CALN1: variants seen among roughly 807,000 people sequenced by gnomAD.
The protein encoded by CALN1 is calcium-binding protein 8.
In CALN1, 17 loss-of-function variants were observed where a neutral mutation model predicts 30.6. That is an observed-to-expected ratio of 0.56 (90% CI 0.38 to 0.83). The LOEUF is 0.83. Among genes scored for constraint, CALN1 ranks in the 40% least tolerant of loss-of-function variants. CALN1 has a pLI of 0.00. For synonymous variants in CALN1, 156 were observed against 131.4 expected (o/e 1.19, Z -1.28); for missense variants, 291 against 354.9 (o/e 0.82, Z 1.45).
rs148567309 is a variant in CALN1 at position 72,024,810 on chromosome 7, T to G, written c.389-1041A>C. ...ACCTTTGCATAAAATACAAGCTCCT[T>G]TACACCTCTGCGTGCATGTGTATGC... On this transcript the variant is annotated intron_variant, in intron 4 of 6. Coordinates refer to ENST00000395275, the MANE Select transcript of CALN1 (RefSeq NM_031468.4). Among the ~76,000 whole-genome samples, 764 of 152,282 alleles carry G rather than the reference T, an allele frequency of 5.0e-3. 4 individuals are homozygous for G. The highest frequency in any genetic ancestry group is 0.017 in the African/African-American group (710 of 41,552).
chr7:72,052,780 C>G (rs1037026389), intron 4 of CALN1, among the ~76,000 whole-genome samples: 4 of 152,186 alleles, frequency 2.6e-5, no homozygotes, highest in African/African-American at 7.2e-5. Context: ...ACTCAATGAG[C>G]CTTTGAAGCA....
At chr7:71,851,252 C>CAT (rs1554354899) in intron 5 of CALN1, among the ~76,000 whole-genome samples, 2 of 149,468 alleles carry the variant, frequency 1.3e-5, no homozygotes, top group African/African-American at 5.0e-5. Context: ...CACACACACA[C>CAT]ATCACACATA....
At chr7:72,196,727 A>G (rs1791034144) in intron 3 of CALN1, among the ~76,000 whole-genome samples, 1 of 152,192 alleles carries the variant, frequency 6.6e-6, no homozygotes, top group Non-Finnish European at 1.5e-5. Context: ...CACATATATT[A>G]AGTTCTTTTT....
chr7:72,303,878 A>C (rs1349160674), intron 2 of CALN1, among the ~76,000 whole-genome samples: 1 of 152,328 alleles, frequency 6.6e-6, no homozygotes, highest in Non-Finnish European at 1.5e-5. Context: ...TGTCTCGAGA[A>C]AATAAAAAGT....
chr7:71,852,846 C>T (rs1373507601), intron 5 of CALN1, among the ~76,000 whole-genome samples: 3 of 152,080 alleles, frequency 2.0e-5, no homozygotes, highest in Admixed American at 6.6e-5. Context: ...TGCTTATTAG[C>T]CATTTGTATA....
At chr7:72,379,953 T>C (rs548657502) in intron 2 of CALN1, among the ~76,000 whole-genome samples, 4 of 152,332 alleles carry the variant, frequency 2.6e-5, no homozygotes, top group Middle Eastern at 3.4e-3. Context: ...CTTCTCTGTT[T>C]TAATTCACTA....
chr7:72,300,841 A>T (rs560191538), intron 2 of CALN1, among the ~76,000 whole-genome samples: 1 of 152,156 alleles, frequency 6.6e-6, no homozygotes, highest in Admixed American at 6.5e-5. Flanking sequence ...AAAAATACAA[A>T]AATTAGCTGG....
At position 72,141,410 on chromosome 7, in the gene CALN1, G is replaced by A. The variant is rs148785239; in HGVS notation, c.245-35116C>T. 1.1e-3 allele frequency among the ~76,000 whole-genome samples: 165 copies of A among 152,178 alleles called. 1 individual carries two copies. The highest frequency in any genetic ancestry group is 3.8e-3 in the African/African-American group (159 of 41,542). On this transcript the variant is annotated intron_variant, in intron 3 of 6. Transcript: ENST00000395275. Reference sequence around the variant, plus strand: ...AGGTCAAGAGTTCGAGACCAGCCCTGGCAACATGGTGAAACCCAGTCTGTA... The same window carrying A: ...AGGTCAAGAGTTCGAGACCAGCCCTAGCAACATGGTGAAACCCAGTCTGTA...
intron 5 of CALN1, among the ~76,000 whole-genome samples, chr7:71,879,874 A>G (rs1792466139): frequency 6.6e-6 from 1 of 152,180 alleles, no homozygotes; most frequent in African/African-American, 2.4e-5. Flanking sequence ...TGTGAGCTAG[A>G]TTAACTCTGA....
At chr7:72,084,767 C>T (rs1477276840) in intron 4 of CALN1, among the ~76,000 whole-genome samples, 1 of 152,184 alleles carries the variant, frequency 6.6e-6, no homozygotes, top group Non-Finnish European at 1.5e-5. Flanking sequence ...AAAGATACTA[C>T]AGTAGTTCCC....
At chr7:72,262,000 TTC>T (rs1796301294) in intron 3 of CALN1, among the ~76,000 whole-genome samples, 1 of 152,192 alleles carries the variant, frequency 6.6e-6, no homozygotes, top group Non-Finnish European at 1.5e-5. Context: ...TCTTCCCATT[TTC>T]AGAAAGCTTC....
At chr7:72,418,382 G>A (rs558247777) in intron 1 of CALN1, among the ~76,000 whole-genome samples, 5 of 152,266 alleles carry the variant, frequency 3.3e-5, no homozygotes, top group East Asian at 3.9e-4. Flanking sequence ...GGGCACCTAC[G>A]TCGATTCCAT....
At chr7:72,446,396 G>A (rs1047811801) in intron 1 of CALN1, among the ~76,000 whole-genome samples, 2 of 152,112 alleles carry the variant, frequency 1.3e-5, no homozygotes, top group South Asian at 2.1e-4. Context: ...CCTGAGACTC[G>A]GCTAGAAGTG....
At position 72,403,443 on chromosome 7, in the gene CALN1, CTG is replaced by C; in HGVS notation, c.-73-3_-73-2del. The C allele has an allele frequency of 8.1e-7, 1 of 1,230,526 alleles. No individual in the cohort carries two copies. Among genetic ancestry groups the C allele is most frequent in the Non-Finnish European group, 1.1e-6 (1 of 886,828 alleles). 76.2% of individuals were successfully genotyped at this position (1,230,526 alleles called of 1,614,324 possible). On this transcript the variant is annotated splice_acceptor_variant and splice_polypyrimidine_tract_variant and intron_variant, in intron 1 of 6. Coordinates refer to ENST00000395275, the MANE Select transcript of CALN1 (RefSeq NM_031468.4). LOFTEE classifies it low-confidence loss of function (5UTR_SPLICE). ...GAACGTCAGCGAAGGCACTGAGACT[CTG>C]AAAGGAGTTGACAGAAACTTACAGC...
At chr7:71,938,660 T>G (rs893562976) in intron 5 of CALN1, among the ~76,000 whole-genome samples, 12 of 152,116 alleles carry the variant, frequency 7.9e-5, no homozygotes, top group African/African-American at 2.9e-4. Context: ...CTGGGCGTGG[T>G]GGCAGGCACC....
intron 5 of CALN1, among the ~76,000 whole-genome samples, chr7:71,938,435 G>A (rs1410111840): frequency 6.6e-6 from 1 of 152,060 alleles, no homozygotes; most frequent in African/African-American, 2.4e-5. Context: ...TCCCATAAAG[G>A]ACATTATAGC....
At chr7:71,953,582 C>A (rs566616880) in intron 5 of CALN1, among the ~76,000 whole-genome samples, 2 of 152,084 alleles carry the variant, frequency 1.3e-5, no homozygotes, top group Non-Finnish European at 2.9e-5. Flanking sequence ...GGTGCTTTCA[C>A]GCCTATTAAC....
chr7:72,356,469 C>G (rs1803236396), intron 2 of CALN1, among the ~76,000 whole-genome samples: 1 of 151,878 alleles, frequency 6.6e-6, no homozygotes, highest in African/African-American at 2.4e-5. Flanking sequence ...GATAAATGTA[C>G]TAATTTAGGA....
rs531364128 is a variant in CALN1 at position 72,408,293 on chromosome 7, T to C, written c.-74+3765A>G. ...ATTAAAAAAAAAAAAAAAAAAAAAT[T>C]AGTAGTGCGTGGTGGCTCACGCTTG... On this transcript the variant is annotated intron_variant, in intron 1 of 6. Coordinates refer to ENST00000395275, the MANE Select transcript of CALN1 (RefSeq NM_031468.4). Among the ~76,000 whole-genome samples the C allele has an allele frequency of 1.9e-3, 267 of 142,276 alleles. 1 individual carries two copies. Among genetic ancestry groups the C allele is most frequent in the Non-Finnish European group, 4.7e-4 (31 of 65,642 alleles). 93.3% of individuals were successfully genotyped at this position (142,276 alleles called of 152,430 possible).
Sources: gnomAD v4.1 joint callset for allele counts (sites outside exome capture counted in the v4.1 genomes callset) on GRCh38, gnomAD v4.1.1 for gene constraint, MANE v1.5 for transcripts, NCBI Gene and HGNC (gene_info 2026-07-23, HGNC 2026-07-21) for gene names.